EPS15: variants seen among roughly 807,000 people sequenced by gnomAD.
EPS15 encodes the protein epidermal growth factor receptor substrate 15.
A neutral mutation model predicts 113.8 loss-of-function variants in EPS15; 72 were observed. That is an observed-to-expected ratio of 0.63 (90% confidence interval 0.52 to 0.77). EPS15 has a LOEUF of 0.77. Among genes scored for constraint, EPS15 ranks in the 30% least tolerant of loss-of-function variants. EPS15 has a pLI of 0.00. For synonymous variants in EPS15, 344 were observed against 363.4 expected (o/e 0.95, Z 0.61); for missense variants, 1,048 against 1,045.8 (o/e 1.00, Z -0.03).
In EPS15 at chr1:51,465,105, C is replaced by T. The variant is rs3790519; in HGVS notation, c.375+156G>A. Among the ~76,000 whole-genome samples, 42 of 152,190 alleles carry T rather than the reference C, an allele frequency of 2.8e-4. 1 individual carries two copies. The East Asian group carries it at 7.7e-3, about 28-fold the overall frequency. ...ACTGTCACAAAACAACTGACAGAGCCGAAAGATCCCTCAGAAACACCAGTA... is the reference window on the plus strand; with the variant it reads ...ACTGTCACAAAACAACTGACAGAGCTGAAAGATCCCTCAGAAACACCAGTA... On this transcript the variant is annotated intron_variant, in intron 6 of 24. Transcript: ENST00000371733.
intron 21 of EPS15, among the ~76,000 whole-genome samples, chr1:51,388,060 G>A (rs1024927944): frequency 0.06 from 9,153 of 151,622 alleles, 294 homozygotes; most frequent in Non-Finnish European, 0.073. Context: ...AATTGACCAT[G>A]TAGTTGGAAG....
chr1:51,452,031 G>A (rs998731106), intron 8 of EPS15, among the ~76,000 whole-genome samples: 2 of 151,246 alleles, frequency 1.3e-5, no homozygotes, highest in African/African-American at 4.9e-5. Flanking sequence ...ACAGGTAAAC[G>A]CCACCAAACC....
At chr1:51,374,876 G>C (rs560277141) in intron 21 of EPS15, among the ~76,000 whole-genome samples, 16 of 148,900 alleles carry the variant, frequency 1.1e-4, no homozygotes, top group Non-Finnish European at 2.2e-4. Flanking sequence ...GCTAATTTTT[G>C]AATTTTTAGT....
chr1:51,378,691 C>T (rs1271323630), intron 21 of EPS15, among the ~76,000 whole-genome samples: 3 of 152,120 alleles, frequency 2.0e-5, no homozygotes, highest in Non-Finnish European at 4.4e-5. Context: ...ATATAATTAA[C>T]GAGATGTAGT....
chr1:51,473,341 A>G (rs960866764), intron 2 of EPS15, among the ~76,000 whole-genome samples: 2 of 152,236 alleles, frequency 1.3e-5, no homozygotes, highest in Non-Finnish European at 2.9e-5. Flanking sequence ...ATAGTTGCAC[A>G]TGTTATGTGC....
intron 21 of EPS15, among the ~76,000 whole-genome samples, chr1:51,389,208 A>C (rs985188170): frequency 2.6e-5 from 4 of 152,224 alleles, no homozygotes; most frequent in Admixed American, 2.0e-4. Context: ...ACAGAACCAA[A>C]GACAAAAACC....
chr1:51,477,738 T>C (rs1643936686), intron 2 of EPS15, among the ~76,000 whole-genome samples: 1 of 152,220 alleles, frequency 6.6e-6, no homozygotes, highest in Non-Finnish European at 1.5e-5. Flanking sequence ...GAGCAGGTTG[T>C]TCAGTTGCCA....
intron 1 of EPS15, among the ~76,000 whole-genome samples, chr1:51,488,786 C>T (rs1367386746): frequency 3.3e-5 from 5 of 152,144 alleles, no homozygotes; most frequent in African/African-American, 1.2e-4. Context: ...ATACACACAC[C>T]TAGCTAAAAC....
chr1:51,469,084 C>T (rs976708221), intron 4 of EPS15, among the ~76,000 whole-genome samples: 13 of 151,966 alleles, frequency 8.6e-5, no homozygotes, highest in Admixed American at 6.6e-5. Context: ...GAGCCGAGAT[C>T]GGGCTACTGC....
At chr1:51,517,600 G>A (rs897591767) in intron 1 of EPS15, among the ~76,000 whole-genome samples, 1 of 152,204 alleles carries the variant, frequency 6.6e-6, no homozygotes, top group African/African-American at 2.4e-5. Flanking sequence ...CTTGTTTAAT[G>A]CAAGTCACTA....
Position 51,492,700 on chromosome 1 carries a change from A to C in EPS15, c.34-11386T>G, listed in dbSNP as rs185835724. ...CTATATACATCATTCTAGGTAGGCC[A>C]AAAAAACAAACAAACAAACAAAAAA... On this transcript the variant is annotated intron_variant, in intron 1 of 24. Transcript: ENST00000371733. Among the ~76,000 whole-genome samples the C allele has an allele frequency of 1.6e-3, 251 of 152,152 alleles. 2 individuals carry two copies. The highest frequency in any genetic ancestry group is 2.1e-3 in the Non-Finnish European group (145 of 68,012).
At chr1:51,465,620 A>T (rs1654789505) in intron 5 of EPS15, among the ~76,000 whole-genome samples, 1 of 151,968 alleles carries the variant, frequency 6.6e-6, no homozygotes, top group South Asian at 2.1e-4. Flanking sequence ...TGCAACCTCC[A>T]TCTCCTGGGT....
chr1:51,392,457 T>C lies in EPS15; in HGVS notation c.2119+1924A>G, dbSNP rs2148403192. ...ATTATCATCATTTATTCTACCACTT[T>C]ACAGGAAATGAATTAGGAACTGGAA... On this transcript the variant is annotated intron_variant, in intron 21 of 24. Transcript: ENST00000371733. Among the ~76,000 whole-genome samples, 2 of 152,302 alleles carry C rather than the reference T, an allele frequency of 1.3e-5. 1 individual carries two copies. The highest frequency in any genetic ancestry group is 4.1e-4 in the South Asian group (2 of 4,826).
In EPS15 at chr1:51,402,261, C is replaced by T. The variant is rs532635071; in HGVS notation, c.1882+174G>A. 3.2e-3 allele frequency among the ~76,000 whole-genome samples: 476 copies of T among 147,708 alleles called. 2 individuals carry two copies. Among genetic ancestry groups the T allele is most frequent in the Non-Finnish European group, 5.5e-3 (369 of 66,962 alleles). ...ACTCAAGAGGCTGAGACAGGAGAAT[C>T]GCTTGAACCCAGGAGGCGGAGGTTG... is the stretch of plus-strand genomic sequence containing the variant. On this transcript the variant is annotated intron_variant, in intron 18 of 24. Transcript: ENST00000371733.
intron 13 of EPS15, among the ~76,000 whole-genome samples, chr1:51,421,486 T>C (rs1650749776): frequency 6.6e-6 from 1 of 152,094 alleles, no homozygotes; most frequent in Non-Finnish European, 1.5e-5. Context: ...ATATTAACAT[T>C]GTAAGTCATG....
At chr1:51,399,426 C>A (rs1455772646) in intron 19 of EPS15, among the ~76,000 whole-genome samples, 1 of 151,968 alleles carries the variant, frequency 6.6e-6, no homozygotes, top group Non-Finnish European at 1.5e-5. Flanking sequence ...GTGGTGCGCA[C>A]CTATAGTCCC....
intron 8 of EPS15, among the ~76,000 whole-genome samples, chr1:51,460,563 C>T (rs868034959): frequency 1.4e-4 from 22 of 152,258 alleles, no homozygotes; most frequent in African/African-American, 5.3e-4. Context: ...ACAAAGTATA[C>T]GTTCCTATGT....
intron 1 of EPS15, among the ~76,000 whole-genome samples, chr1:51,491,170 ATTT>A (rs1644226283): frequency 6.6e-6 from 1 of 152,328 alleles, no homozygotes; most frequent in South Asian, 2.1e-4. Context: ...TCTTTAAAAA[ATTT>A]TTTAGTCTCT....
intron 1 of EPS15, among the ~76,000 whole-genome samples, chr1:51,481,599 A>G (rs1040756907): frequency 6.6e-6 from 1 of 152,220 alleles, no homozygotes; most frequent in African/African-American, 2.4e-5. Context: ...CAGAAACCCA[A>G]TATGTAACAA....
Sources: gnomAD v4.1 joint callset for allele counts (sites outside exome capture counted in the v4.1 genomes callset) on GRCh38, gnomAD v4.1.1 for gene constraint, MANE v1.5 for transcripts, NCBI Gene and HGNC (gene_info 2026-07-23, HGNC 2026-07-21) for gene names.